Variants in MYT1L observed in about 807,000 individuals in gnomAD.
MYT1L encodes myelin transcription factor 1 like.
MYT1L carries 12 observed loss-of-function variants against 126.7 expected under a neutral mutation model. The observed-to-expected ratio is 0.09, with a 90% CI of 0.06 to 0.15. The LOEUF is 0.15. MYT1L is among the 10% of genes least tolerant of loss of function. MYT1L has a pLI of 1.00. For synonymous variants in MYT1L, 541 were observed against 604.2 expected (o/e 0.90, Z 1.53); for missense variants, 979 against 1,585.2 (o/e 0.62, Z 6.49).
chr2:2,171,510 A>T (rs950488111), intron 3 of MYT1L, among the ~76,000 whole-genome samples: 6 of 152,254 alleles, frequency 3.9e-5, no homozygotes, highest in African/African-American at 1.4e-4. Flanking sequence ...GATAAACAAG[A>T]TAGCTTGGAT....
At chr2:1,843,477 G>A (rs1001247854) in intron 19 of MYT1L, among the ~76,000 whole-genome samples, 2 of 151,032 alleles carry the variant, frequency 1.3e-5, no homozygotes, top group African/African-American at 2.4e-5. Context: ...GGAGAATTAC[G>A]GTGTCCTTCC....
chr2:2,116,926 T>G lies in MYT1L; in HGVS notation c.-304+55946A>C, dbSNP rs2080291055. ...CAGTTGTCAGAAGACTCCAGACACATCTGGCATTTGTCACCAACCACATGA... is the reference window on the plus strand; with the variant it reads ...CAGTTGTCAGAAGACTCCAGACACAGCTGGCATTTGTCACCAACCACATGA... On this transcript the variant is annotated intron_variant, in intron 3 of 24. Coordinates refer to ENST00000647738, the MANE Select transcript of MYT1L (RefSeq NM_001303052.2). Among the ~76,000 whole-genome samples, 3 of 152,316 alleles carry G rather than the reference T, an allele frequency of 2.0e-5. No homozygotes were observed. In the South Asian group the frequency reaches 6.2e-4, roughly 32 times the overall value.
intron 3 of MYT1L, among the ~76,000 whole-genome samples, chr2:2,161,593 A>G (rs2148432185): frequency 6.6e-6 from 1 of 152,324 alleles, no homozygotes; most frequent in African/African-American, 2.4e-5. Flanking sequence ...ACTTGAAATG[A>G]GAAGGATGTG....
intron 21 of MYT1L, among the ~76,000 whole-genome samples, chr2:1,831,266 A>G (rs2040154094): frequency 1.4e-5 from 2 of 144,368 alleles, no homozygotes; most frequent in Admixed American, 6.7e-5. Context: ...CAGTGCAGTT[A>G]CAGCCACATT....
intron 5 of MYT1L, among the ~76,000 whole-genome samples, chr2:1,993,853 G>A (rs1237539647): frequency 6.6e-6 from 1 of 152,112 alleles, no homozygotes; most frequent in Non-Finnish European, 1.5e-5. Context: ...GTCATTTCCT[G>A]GCCCCCAGGG....
At chr2:1,809,028 CTGG>C in intron 22 of MYT1L, 45 bp downstream of exon 22, 1 of 1,566,190 alleles carries the variant, frequency 6.4e-7, no homozygotes. Flanking sequence ...GCCGTGCCCG[CTGG>C]GCCTTCCTGA....
At chr2:2,086,501 C>A (rs1468863257) in intron 3 of MYT1L, among the ~76,000 whole-genome samples, 1 of 152,144 alleles carries the variant, frequency 6.6e-6, no homozygotes, top group African/African-American at 2.4e-5. Context: ...CCATCATACC[C>A]ATTTGTTCTA....
chr2:2,149,878 C>G (rs1249456227), intron 3 of MYT1L, among the ~76,000 whole-genome samples: 2 of 152,200 alleles, frequency 1.3e-5, no homozygotes, highest in Non-Finnish European at 1.5e-5. Context: ...TTTTCCCTCT[C>G]CAACTGCATG....
chr2:2,248,060 A>T (rs1237719844), intron 2 of MYT1L, among the ~76,000 whole-genome samples: 1 of 152,106 alleles, frequency 6.6e-6, no homozygotes, highest in Non-Finnish European at 1.5e-5. Context: ...CATGAATTTG[A>T]AATGAATAAA....
At chr2:2,102,795 C>T (rs1002811610) in intron 3 of MYT1L, among the ~76,000 whole-genome samples, 1 of 152,030 alleles carries the variant, frequency 6.6e-6, no homozygotes, top group South Asian at 2.1e-4. Context: ...ACTCTCATCC[C>T]TATCTGGTCT....
Position 2,059,681 on chromosome 2 carries a change from G to A in MYT1L, c.-303-5558C>T, listed in dbSNP as rs183011932. Reference sequence around the variant, plus strand: ...TCTGAAAGTCCTTAATTATGTCTGCGTCGTAGGCTCTTCACCTTTCAGAAT... The same window carrying A: ...TCTGAAAGTCCTTAATTATGTCTGCATCGTAGGCTCTTCACCTTTCAGAAT... On this transcript the variant is annotated intron_variant, in intron 3 of 24. Transcript: ENST00000647738. This position sits in a 1 kb window ranked among gnomAD's most constrained non-coding sequence, Gnocchi z 4.7. Among the ~76,000 whole-genome samples the A allele has an allele frequency of 1.3e-3, 201 of 152,238 alleles. No homozygotes were observed. The highest frequency in any genetic ancestry group is 3.4e-3 in the Middle Eastern group (1 of 294).
At chr2:2,273,125 C>A (rs973631148) in intron 2 of MYT1L, among the ~76,000 whole-genome samples, 1 of 152,132 alleles carries the variant, frequency 6.6e-6, no homozygotes, top group African/African-American at 2.4e-5. Context: ...TGTATCCTGC[C>A]CCCTGCCACA....
intron 4 of MYT1L, among the ~76,000 whole-genome samples, chr2:2,023,149 C>T (rs1209818507): frequency 6.6e-6 from 1 of 152,142 alleles, no homozygotes; most frequent in South Asian, 2.1e-4. Flanking sequence ...GTGAGGTCAT[C>T]TTGATGGGAA....
At chr2:2,065,053 C>T (rs1426181465) in intron 3 of MYT1L, among the ~76,000 whole-genome samples, 1 of 151,998 alleles carries the variant, frequency 6.6e-6, no homozygotes, top group Non-Finnish European at 1.5e-5. Context: ...AAAATGGTAG[C>T]CAGTCTTGGT....
intron 1 of MYT1L, among the ~76,000 whole-genome samples, chr2:2,329,632 G>A (rs1194177161): frequency 6.6e-6 from 1 of 152,102 alleles, no homozygotes; most frequent in African/African-American, 2.4e-5. Context: ...AAAGCAGAAG[G>A]ATTATATAAC....
At chr2:1,802,583 G>A (rs1172203578) in intron 22 of MYT1L, among the ~76,000 whole-genome samples, 1 of 152,222 alleles carries the variant, frequency 6.6e-6, no homozygotes, top group Non-Finnish European at 1.5e-5. Flanking sequence ...CCTGGTGGGT[G>A]ACTGCTGCCC....
intron 4 of MYT1L, among the ~76,000 whole-genome samples, chr2:2,014,418 G>T (rs2064159275): frequency 6.6e-6 from 1 of 152,174 alleles, no homozygotes; most frequent in Non-Finnish European, 1.5e-5. Context: ...CCCTGGGAAG[G>T]CCGGTCATCC....
chr2:2,294,133 C>A (rs1165974899), intron 1 of MYT1L, among the ~76,000 whole-genome samples: 1 of 152,176 alleles, frequency 6.6e-6, no homozygotes, highest in Non-Finnish European at 1.5e-5. Flanking sequence ...ACAGCTCAGA[C>A]CCTGAGGAAT....
At chr2:1,890,274 T>C (rs2048689024) in intron 15 of MYT1L, among the ~76,000 whole-genome samples, 1 of 152,070 alleles carries the variant, frequency 6.6e-6, no homozygotes, top group Non-Finnish European at 1.5e-5. Context: ...TTTCACTATA[T>C]GTTGGCCAGG....
Sources: allele counts gnomAD v4.1 joint callset (sites outside exome capture counted in the v4.1 genomes callset), GRCh38; gene constraint gnomAD v4.1.1; non-coding constraint Gnocchi (gnomAD v3.1); transcripts MANE v1.5; gene names NCBI Gene and HGNC (gene_info 2026-07-23, HGNC 2026-07-21).